GUCY2C: variants seen among roughly 807,000 people sequenced by gnomAD.
The protein encoded by GUCY2C is guanylate cyclase 2C.
A neutral mutation model predicts 131.1 loss-of-function variants in GUCY2C; 118 were observed. The ratio of observed to expected loss-of-function variants is 0.90; its 90% CI spans 0.78 to 1.05. GUCY2C has a LOEUF of 1.05. Among genes scored for constraint, GUCY2C ranks in the 50% least tolerant of loss-of-function variants. The pLI, the probability that GUCY2C is intolerant of heterozygous loss-of-function variation, is 0.00. For missense variants in GUCY2C, 1,161 were observed against 1,304.4 expected (o/e 0.89, Z 1.69); for synonymous variants, 452 against 457.8 (o/e 0.99, Z 0.16).
chr12:14,640,952 C>A, intron 18 of GUCY2C, 130 bp downstream of exon 18: 1 of 780,260 alleles, frequency 1.3e-6, no homozygotes, highest in Non-Finnish European at 2.1e-6. Flanking sequence ...ATGCATAATG[C>A]AGATGGGAAA....
intron 10 of GUCY2C, 145 bp from the exon 11 acceptor site, chr12:14,661,207 A>C: frequency 1.6e-6 from 1 of 612,146 alleles, no homozygotes; most frequent in Non-Finnish European, 2.9e-6. Flanking sequence ...CTGGTAATAT[A>C]AGTCCTGTGT....
At chr12:14,629,144 G>C (rs1478341521) in intron 19 of GUCY2C, among the ~76,000 whole-genome samples, 1 of 152,166 alleles carries the variant, frequency 6.6e-6, no homozygotes, top group Non-Finnish European at 1.5e-5. Context: ...ACAAAGGCTG[G>C]AATGTAACAA....
chr12:14,633,704 A>G (rs1947201908), intron 19 of GUCY2C, among the ~76,000 whole-genome samples: 1 of 151,966 alleles, frequency 6.6e-6, no homozygotes. Flanking sequence ...TTTACCAAAG[A>G]AATAGATACC....
In GUCY2C at chr12:14,639,922, A is replaced by G. The variant is rs2137016800; in HGVS notation, c.2097T>C (p.Asn699=). ...NEKIFRVENS[N]GMKPFRPDLF... Reference sequence around the variant, plus strand: ...AATCTGGGCGGAAGGGTTTCATTCCATTGGAATTTTCCACTCTGAAAATCT... The same window carrying G: ...AATCTGGGCGGAAGGGTTTCATTCCGTTGGAATTTTCCACTCTGAAAATCT... The change falls in exon 19 of 27, where the codon AAT becomes AAC. Residue 699 remains asparagine (N), a synonymous_variant. Transcript: ENST00000261170. 6 of 1,611,204 alleles carry G rather than the reference A, an allele frequency of 3.7e-6. No homozygotes were observed. Among genetic ancestry groups the G allele is most frequent in the South Asian group, 1.1e-5 (1 of 91,008 alleles).
chr12:14,639,227 G>A (rs1404458716), intron 19 of GUCY2C, among the ~76,000 whole-genome samples: 4 of 151,384 alleles, frequency 2.6e-5, no homozygotes, highest in Admixed American at 6.6e-5. Context: ...GAAGACGGGA[G>A]GCCGGAGTTG....
At chr12:14,653,536 G>A (rs7956566) in intron 12 of GUCY2C, among the ~76,000 whole-genome samples, 128,212 of 152,226 alleles carry the variant, frequency 0.84, 57,849 homozygotes, top group East Asian at 0.99. Context: ...ATGCTATCTC[G>A]TGACATTTGT....
chr12:14,618,336 G>A (rs997486957), intron 24 of GUCY2C, among the ~76,000 whole-genome samples: 1 of 150,896 alleles, frequency 6.6e-6, no homozygotes. Context: ...AACATAGAGA[G>A]ACCACACCTC....
intron 7 of GUCY2C, among the ~76,000 whole-genome samples, chr12:14,675,449 T>C (rs1470772650): frequency 1.3e-5 from 2 of 151,982 alleles, no homozygotes; most frequent in African/African-American, 4.9e-5. Context: ...GAAATAATGT[T>C]AGTTTCTAGT....
chr12:14,687,884 A>G (rs1948502907), intron 2 of GUCY2C, 67 bp downstream of exon 2: 12 of 861,794 alleles, frequency 1.4e-5, no homozygotes, highest in South Asian at 1.3e-5. Context: ...TCATGTGCCT[A>G]CATTTCACAC....
At chr12:14,673,700 A>T (rs1948164218) in intron 8 of GUCY2C, among the ~76,000 whole-genome samples, 1 of 152,212 alleles carries the variant, frequency 6.6e-6, no homozygotes, top group South Asian at 2.1e-4. Context: ...TTTGTTTCCT[A>T]GTTAAATGTT....
chr12:14,619,954 G>A (rs1462184029), intron 23 of GUCY2C, among the ~76,000 whole-genome samples: 1 of 152,230 alleles, frequency 6.6e-6, no homozygotes, highest in Admixed American at 6.5e-5. Context: ...TATTTGCATA[G>A]AATGACTGAG....
At position 14,676,836 on chromosome 12, in the gene GUCY2C, CAT is replaced by C. The variant is rs1948243614; in HGVS notation, c.948+16_948+17del. ...TAATAATATATAATTTATACTATAA[CAT>C]AAAATAATAGCTTACTGGTGATAGA... On this transcript the variant is annotated intron_variant, in intron 7 of 26. Coordinates refer to ENST00000261170, the MANE Select transcript of GUCY2C (RefSeq NM_004963.4). The C allele has an allele frequency of 1.2e-6, 1 of 862,922 alleles. No homozygotes were observed. The highest frequency in any genetic ancestry group is 1.7e-6 in the Non-Finnish European group (1 of 575,922). The allele number at this position is 862,922 out of a possible 1,614,324, so 53.5% of individuals were successfully genotyped here.
At chr12:14,669,935 A>G in intron 9 of GUCY2C, 102 bp from the exon 10 acceptor site, 2 of 536,724 alleles carry the variant, frequency 3.7e-6, no homozygotes, top group South Asian at 5.7e-5. Context: ...GATTTCCATA[A>G]CAATTCTCAG....
At chr12:14,656,373 A>G (rs1947763634) in intron 12 of GUCY2C, 139 bp downstream of exon 12, 3 of 604,156 alleles carry the variant, frequency 5.0e-6, no homozygotes, top group Non-Finnish European at 9.1e-6. Flanking sequence ...GAAGGGAGAG[A>G]GCTGAAAATT....
At chr12:14,633,341 T>G (rs1386145578) in intron 19 of GUCY2C, among the ~76,000 whole-genome samples, 2 of 152,188 alleles carry the variant, frequency 1.3e-5, no homozygotes, top group Non-Finnish European at 2.9e-5. Context: ...GAGACTACAC[T>G]ACTGCATGCA....
chr12:14,662,632 C>CA (rs1565624863), intron 10 of GUCY2C, among the ~76,000 whole-genome samples: 1 of 146,618 alleles, frequency 6.8e-6, no homozygotes, highest in East Asian at 2.0e-4. Flanking sequence ...GCCAAGATTG[C>CA]ACCACTGCTC....
At chr12:14,617,433 G>A (rs11056063) in intron 24 of GUCY2C, among the ~76,000 whole-genome samples, 80 of 152,158 alleles carry the variant, frequency 5.3e-4, no homozygotes, top group African/African-American at 1.9e-3. Flanking sequence ...GCGGGACCTA[G>A]TTTTAGATTT....
intron 11 of GUCY2C, among the ~76,000 whole-genome samples, chr12:14,658,588 A>C (rs111712998): frequency 0.019 from 2,828 of 152,290 alleles, 42 homozygotes; most frequent in African/African-American, 0.043. Context: ...AGGCACGAGA[A>C]TTGCTTGAAC....
rs1395912254 is a variant in GUCY2C at position 14,622,133 on chromosome 12, T to C, written c.2473A>G (p.Ile825Val). The C allele has an allele frequency of 1.9e-6, 3 of 1,606,776 alleles. No individual in the cohort carries two copies. The highest frequency in any genetic ancestry group is 2.5e-6 in the Non-Finnish European group (3 of 1,177,058). The change falls in exon 22 of 27, where the codon ATC becomes GTC. Residue 825 changes from isoleucine to valine, a missense_variant. Ile to Val is a conservative substitution (Grantham distance 29). Coordinates refer to ENST00000261170, the MANE Select transcript of GUCY2C (RefSeq NM_004963.4). ...VEPELYEEVTIYFSDIVGFTT... is the reference protein window; with the variant it reads ...VEPELYEEVTVYFSDIVGFTT... ...AAACCTACAATGTCACTGAAGTAGA[T>C]TGTAACTTCCTCATATAGTTCCGGC...
Sources: allele counts gnomAD v4.1 joint callset (sites outside exome capture counted in the v4.1 genomes callset), GRCh38; gene constraint gnomAD v4.1.1; transcripts MANE v1.5; gene names NCBI Gene and HGNC (gene_info 2026-07-23, HGNC 2026-07-21).